ANKS1B: variants seen among roughly 807,000 people sequenced by gnomAD.
The protein encoded by ANKS1B is ankyrin repeat and sterile alpha motif domain-containing protein 1B.
A neutral mutation model predicts 148.3 loss-of-function variants in ANKS1B; 36 were observed. The observed-to-expected ratio is 0.24, with a 90% CI of 0.19 to 0.32. The LOEUF is 0.32. ANKS1B is among the 10% of genes least tolerant of loss of function. The pLI, the probability that ANKS1B is intolerant of heterozygous loss-of-function variation, is 1.00. For synonymous variants in ANKS1B, 542 were observed against 560.8 expected (o/e 0.97, Z 0.47); for missense variants, 1,157 against 1,542.6 (o/e 0.75, Z 4.19).
chr12:99,645,390 T>A (rs185146854), intron 9 of ANKS1B, among the ~76,000 whole-genome samples: 1 of 152,246 alleles, frequency 6.6e-6, no homozygotes. Flanking sequence ...GTTCAGAGTA[T>A]CTCCAAAGTA....
In ANKS1B at chr12:99,399,725, T is replaced by G. The variant is rs1294757420; in HGVS notation, c.1662A>C (p.Thr554=). 2 of 1,613,436 alleles carry G rather than the reference T, an allele frequency of 1.2e-6. No individual in the cohort carries two copies. The highest frequency in any genetic ancestry group is 1.7e-6 in the Non-Finnish European group (2 of 1,179,540). The stretch of plus-strand genomic sequence containing the variant: ...GACTGGCAGTAAAGCTTGTGCACCC[T>G]GTAGATGTGTTGATTTCAAAATATT... ...NQEYFEINTS[T]GCTSFTASPP... The change falls in exon 12 of 27, where the codon ACA becomes ACC. Residue 554 remains threonine, a synonymous_variant. Transcript: ENST00000683438.
intron 14 of ANKS1B, among the ~76,000 whole-genome samples, chr12:99,181,277 A>G (rs2079082769): frequency 6.6e-6 from 1 of 152,092 alleles, no homozygotes; most frequent in African/African-American, 2.4e-5. Context: ...TACCTTGCTC[A>G]CAGAATAAAA....
At chr12:99,938,124 A>G (rs1005661184) in intron 1 of ANKS1B, among the ~76,000 whole-genome samples, 2 of 152,148 alleles carry the variant, frequency 1.3e-5, no homozygotes, top group Admixed American at 6.6e-5. Flanking sequence ...GTACATGACT[A>G]TGTGATTATG....
intron 17 of ANKS1B, among the ~76,000 whole-genome samples, chr12:98,865,213 T>C (rs2099618473): frequency 6.6e-6 from 1 of 152,188 alleles, no homozygotes; most frequent in African/African-American, 2.4e-5. Flanking sequence ...CTCCCATTTC[T>C]ATCTTCAGAC....
chr12:99,016,889 G>T (rs1461671835), intron 17 of ANKS1B, among the ~76,000 whole-genome samples: 1 of 152,196 alleles, frequency 6.6e-6, no homozygotes, highest in Non-Finnish European at 1.5e-5. Context: ...CAGGGACTTG[G>T]CTGTAGGGTT....
At chr12:98,872,832 T>C (rs889656688) in intron 17 of ANKS1B, among the ~76,000 whole-genome samples, 1 of 152,190 alleles carries the variant, frequency 6.6e-6, no homozygotes, top group African/African-American at 2.4e-5. Flanking sequence ...TTTTAGTCAC[T>C]GTGGTACTTT....
At chr12:99,590,291 C>T (rs998168337) in intron 9 of ANKS1B, among the ~76,000 whole-genome samples, 6 of 151,138 alleles carry the variant, frequency 4.0e-5, no homozygotes, top group Non-Finnish European at 5.9e-5. Flanking sequence ...CACACACACA[C>T]GCTTATTTAC....
intron 8 of ANKS1B, among the ~76,000 whole-genome samples, chr12:99,772,274 T>A (rs574153155): frequency 5.3e-5 from 8 of 152,268 alleles, no homozygotes; most frequent in African/African-American, 1.9e-4. Flanking sequence ...CTCTCATTCC[T>A]AATAAATAGA....
At chr12:99,337,497 G>A (rs935102481) in intron 12 of ANKS1B, among the ~76,000 whole-genome samples, 4 of 151,978 alleles carry the variant, frequency 2.6e-5, no homozygotes, top group African/African-American at 7.2e-5. Flanking sequence ...ATGCTCACTG[G>A]TATCTTATTT....
At chr12:99,125,213 T>G (rs1489441265) in intron 15 of ANKS1B, among the ~76,000 whole-genome samples, 1 of 152,124 alleles carries the variant, frequency 6.6e-6, no homozygotes, top group Non-Finnish European at 1.5e-5. Flanking sequence ...AGGGGCCACA[T>G]AGTTTAAATG....
At chr12:99,173,517 G>C (rs1372669967) in intron 14 of ANKS1B, among the ~76,000 whole-genome samples, 1 of 152,048 alleles carries the variant, frequency 6.6e-6, no homozygotes, top group Non-Finnish European at 1.5e-5. Context: ...ATTTCATATA[G>C]AAGCATTGGC....
At chr12:98,992,947 C>A (rs2099927487) in intron 17 of ANKS1B, among the ~76,000 whole-genome samples, 1 of 152,156 alleles carries the variant, frequency 6.6e-6, no homozygotes, top group African/African-American at 2.4e-5. Context: ...ACCTCATCTA[C>A]ACAATCTTTC....
At chr12:99,868,192 T>C (rs2091008239) in intron 1 of ANKS1B, among the ~76,000 whole-genome samples, 1 of 152,218 alleles carries the variant, frequency 6.6e-6, no homozygotes, top group African/African-American at 2.4e-5. Flanking sequence ...GGATAGTGGT[T>C]GTCCTTTGGG....
At chr12:98,794,418 AAAAAAG>A in intron 22 of ANKS1B, 12 of 244,680 alleles carry the variant, frequency 4.9e-5, no homozygotes, top group South Asian at 2.4e-4. Context: ...AAAAAAAAAA[AAAAAAG>A]ACTTCCTCTC....
rs532837014 is a variant in ANKS1B at position 99,068,830 on chromosome 12, G to T, written c.2626-15521C>A. ...ACAGGCAGCATCCTCTGTCTGAAGT[G>T]ACTCCTTCAATGTCCTAGTTGGCTA... On this transcript the variant is annotated intron_variant, in intron 16 of 26. Transcript: ENST00000683438. Among the ~76,000 whole-genome samples the T allele has an allele frequency of 7.2e-5, 11 of 152,184 alleles. No homozygotes were observed. In the South Asian group the frequency reaches 2.3e-3, roughly 32 times the overall value.
At chr12:99,204,553 T>C (rs528771799) in intron 14 of ANKS1B, among the ~76,000 whole-genome samples, 3 of 152,244 alleles carry the variant, frequency 2.0e-5, no homozygotes, top group Non-Finnish European at 4.4e-5. Context: ...AAACTATTTA[T>C]GCACAATAAT....
chr12:98,946,071 G>T (rs1416241277), intron 17 of ANKS1B, among the ~76,000 whole-genome samples: 3 of 152,174 alleles, frequency 2.0e-5, no homozygotes, highest in Non-Finnish European at 4.4e-5. Flanking sequence ...CCTATTCCCA[G>T]TGAGGCAACT....
rs1396475210 is a variant in ANKS1B at position 99,739,339 on chromosome 12, T to TA, written c.1128+33582_1128+33583insT. On this transcript the variant is annotated intron_variant, in intron 8 of 26. Transcript: ENST00000683438. ...TCTGTGATTTGATGGGGAGGGTTTT[T>TA]TTTGGGGGGGGCGGGGCCAAAAAAA... Among the ~76,000 whole-genome samples the TA allele has an allele frequency of 4.7e-5, 5 of 106,792 alleles. 1 individual carries two copies. Among genetic ancestry groups the TA allele is most frequent in the African/African-American group, 1.5e-4 (4 of 27,200 alleles). 70.1% of individuals were successfully genotyped at this position (106,792 alleles called of 152,430 possible).
intron 12 of ANKS1B, among the ~76,000 whole-genome samples, chr12:99,293,856 TG>T (rs1360533592): frequency 6.6e-6 from 1 of 152,126 alleles, no homozygotes; most frequent in Non-Finnish European, 1.5e-5. Context: ...GATTTAAAAA[TG>T]GGCAAAATAT....
Sources: allele counts gnomAD v4.1 joint callset (sites outside exome capture counted in the v4.1 genomes callset), GRCh38; gene constraint gnomAD v4.1.1; transcripts MANE v1.5; gene names NCBI Gene and HGNC (gene_info 2026-07-23, HGNC 2026-07-21).